Variants in SLC12A9 observed in about 807,000 individuals in gnomAD.
SLC12A9 encodes solute carrier family 12 member 9.
SLC12A9 carries 55 observed loss-of-function variants against 66.0 expected under a neutral mutation model. That is an observed-to-expected ratio of 0.83 (90% CI 0.67 to 1.04). SLC12A9 has a LOEUF of 1.04. Among genes scored for constraint, SLC12A9 ranks in the 50% least tolerant of loss-of-function variants. The probability of loss-of-function intolerance (pLI) is 0.00; values close to 1 mark genes in which losing one functional copy is unlikely to be tolerated. For synonymous variants in SLC12A9, 577 were observed against 569.0 expected, an observed-to-expected ratio of 1.01 and a Z score of -0.20; for missense variants, 1,061 against 1,241.9, an observed-to-expected ratio of 0.85 and a Z score of 2.19.
At chr7:100,842,936 G>T (rs1286259618) in intron 1 of SLC12A9, among the ~76,000 whole-genome samples, 1 of 152,252 alleles carries the variant, frequency 6.6e-6, no homozygotes, top group Non-Finnish European at 1.5e-5. Context: ...GCCCCTGAGG[G>T]CCATCCAGCT....
intron 5 of SLC12A9, chr7:100,857,926 C>G: frequency 6.6e-6 from 1 of 151,560 alleles, no homozygotes; most frequent in African/African-American, 2.4e-5. Flanking sequence ...CTCCAAAAAA[C>G]AAACAAACAA....
In SLC12A9 at chr7:100,860,152, G is replaced by C; in HGVS notation, c.1138G>C (p.Val380Leu). ...HALARDDLFG[V>L]ILAPAKVVSR... ...TGCTGTGGATTCTGTTTTTCTAGGC[G>C]TGATCTTGGCACCGGCCAAGGTTGT... Residue 380 changes from valine to leucine, a missense_variant and splice_region_variant, in exon 9 of 14, where the codon GTG becomes CTG. Val to Leu is a conservative substitution (Grantham distance 32, BLOSUM62 1). Transcript: ENST00000354161. 2 of 1,614,188 alleles carry C rather than the reference G, an allele frequency of 1.2e-6. No individual in the cohort carries two copies. The highest frequency in any genetic ancestry group is 4.5e-5 in the East Asian group (2 of 44,880).
In SLC12A9 at chr7:100,865,863, C is replaced by T. The variant is rs766764700; in HGVS notation, c.2003C>T (p.Pro668Leu). ...CCAGCTCTGAGCACCCTGTTCCCTC[C>T]TCCCCGGGCTCCTGGGAGCCCCCGG... ...SSPALSTLFP[P>L]PRAPGSPRAL... The change falls in exon 14 of 14, where the codon CCT becomes CTT. Residue 668 changes from proline (P) to leucine (L), a missense_variant. Physicochemically the swap from Pro to Leu is moderately conservative, Grantham distance 98. Transcript: ENST00000354161. 15 of 1,613,628 alleles carry T rather than the reference C, an allele frequency of 9.3e-6. No individual in the cohort carries two copies. Among genetic ancestry groups the T allele is most frequent in the Admixed American group, 6.7e-5 (4 of 60,006 alleles).
At chr7:100,829,641 G>A (rs2247445) in intron 1 of SLC12A9, among the ~76,000 whole-genome samples, 33,628 of 151,780 alleles carry the variant, frequency 0.22, 4,713 homozygotes, top group East Asian at 0.57. Context: ...CTCTTATTCA[G>A]CTTCTCCCTC....
Position 100,861,791 on chromosome 7 carries a change from C to T in SLC12A9, c.1591C>T (p.Arg531Trp), listed in dbSNP as rs748062911. ...DVRKDHVKFW[R>W]PQLLLLVGNP... Reference sequence around the variant, plus strand: ...CCGGAAGGATCACGTGAAGTTCTGGCGGCCCCAGCTGCTGCTCCTGGTGGG... The same window carrying T: ...CCGGAAGGATCACGTGAAGTTCTGGTGGCCCCAGCTGCTGCTCCTGGTGGG... The change falls in exon 12 of 14, where the codon CGG becomes TGG. Residue 531 changes from arginine (R) to tryptophan (W), a missense_variant. Transcript: ENST00000354161. The surrounding 1 kb of genome is among the most constrained non-coding windows in gnomAD (Gnocchi z 5.3). The T allele has an allele frequency of 9.9e-6, 16 of 1,613,980 alleles. No homozygotes were observed. Among genetic ancestry groups the T allele is most frequent in the Admixed American group, 3.3e-5 (2 of 60,004 alleles).
chr7:100,834,054 A>AC (rs1813595743), intron 1 of SLC12A9, among the ~76,000 whole-genome samples: 1 of 151,748 alleles, frequency 6.6e-6, no homozygotes, highest in African/African-American at 2.4e-5. Flanking sequence ...ACGGGGCCTC[A>AC]CCAGCATCCA....
chr7:100,826,947 C>T lies in SLC12A9; in HGVS notation n.128C>T, dbSNP rs761511005. On this transcript the variant is annotated non_coding_transcript_exon_variant, in exon 1 of 2. Coordinates refer to the SLC12A9 transcript ENST00000461016. ...GTTGGGGGGGAGGTCCCAGGAGTGA[C>T]GGGGTGCGCCCCCCCCCGCAAGGAA... 4 of 1,515,696 alleles carry T rather than the reference C, an allele frequency of 2.6e-6. No homozygotes were observed. The South Asian group carries it at 3.7e-5, about 14-fold the overall frequency. 93.9% of individuals were successfully genotyped at this position (1,515,696 alleles called of 1,614,324 possible). A position where few individuals can be genotyped will look rare whatever the true frequency, so the allele number is the denominator to read the frequency against.
At chr7:100,839,328 A>C (rs998743088) in intron 1 of SLC12A9, among the ~76,000 whole-genome samples, 4 of 152,110 alleles carry the variant, frequency 2.6e-5, no homozygotes, top group Non-Finnish European at 5.9e-5. Flanking sequence ...CGTCTCAAAA[A>C]AAAAAAAGAC....
chr7:100,865,508 T>C, intron 13 of SLC12A9: 1 of 1,533,082 alleles, frequency 6.5e-7, no homozygotes, highest in South Asian at 1.2e-5. Flanking sequence ...GATTAGTCAC[T>C]GAGATAATAA....
intron 12 of SLC12A9, among the ~76,000 whole-genome samples, 171 bp from the exon 13 acceptor site, chr7:100,862,510 G>A (rs145510564): frequency 5.2e-4 from 79 of 152,262 alleles, no homozygotes; most frequent in Non-Finnish European, 9.0e-4. Flanking sequence ...CTTCCCAAAG[G>A]GCAGGGATTA....
chr7:100,856,834 C>CCTTAGGTTA, intron 4 of SLC12A9, 34 bp from the exon 5 acceptor site: 1 of 1,532,308 alleles, frequency 6.5e-7, no homozygotes, highest in South Asian at 1.2e-5. Context: ...GCCTTAGGAT[C>CCTTAGGTTA]GGGCCTTCTA....
rs145203180 is a variant in SLC12A9, at chr7:100,845,170, C to G, written n.229-14715C>G. On this transcript the variant is annotated intron_variant and non_coding_transcript_variant, in intron 1 of 1. Coordinates refer to the SLC12A9 transcript ENST00000461016. The stretch of plus-strand genomic sequence containing the variant: ...GAAGACTGCATGGTGGACTTCAAAC[C>G]ACACAGAGAAAAATCCATTCACTAA... 3.2e-3 allele frequency among the ~76,000 whole-genome samples: 478 copies of G among 151,160 alleles called. 1 individual carries two copies. The highest frequency in any genetic ancestry group is 5.6e-3 in the Non-Finnish European group (380 of 67,838).
rs141354939 is a variant in SLC12A9 at position 100,856,977 on chromosome 7, C to G, written c.558C>G (p.Ala186=). ...TGGGTGGGGTCTGCACCCTGGGAGC[C>G]GGCCTCTATGCCCGGGCCTCATTCC... is the stretch of plus-strand genomic sequence containing the variant. The part of the protein sequence containing the change: ...GLVGGVCTLG[A]GLYARASFLT... The change falls in exon 5 of 14, where the codon GCC becomes GCG. Residue 186 remains alanine (A), a synonymous_variant. Transcript: ENST00000354161. The G allele has an allele frequency of 6.2e-7, 1 of 1,613,854 alleles. No homozygotes were observed. Among genetic ancestry groups the G allele is most frequent in the African/African-American group, 1.3e-5 (1 of 74,938 alleles).
At chr7:100,859,687 G>C (rs1814618493) in intron 7 of SLC12A9, 198 bp from the exon 8 acceptor site, 16 of 633,026 alleles carry the variant, frequency 2.5e-5, no homozygotes, top group Non-Finnish European at 4.2e-5. Context: ...CTTTAGCCTG[G>C]GGGTTGGAGT....
intron 1 of SLC12A9, among the ~76,000 whole-genome samples, chr7:100,847,026 C>T (rs1010798421): frequency 3.9e-5 from 6 of 152,118 alleles, no homozygotes; most frequent in South Asian, 2.1e-4. Context: ...CTCTCTTGCG[C>T]GCCCCCTGAG....
Position 100,866,282 on chromosome 7 carries a change from G to C in SLC12A9, c.2422G>C (p.Gly808Arg), listed in dbSNP as rs749274958. 6.5e-7 allele frequency: 1 copy of C among 1,535,578 alleles called. No homozygotes were observed. The highest frequency in any genetic ancestry group is 2.4e-4 in the Middle Eastern group (1 of 4,248). ...VQEVVWGEGA[G>R]AGEPEAEEEG... ...GGAGGTGGTGTGGGGCGAGGGGGCC[G>C]GGGCTGGGGAACCCGAGGCGGAGGA... Residue 808 changes from glycine (G) to arginine (R), a missense_variant, in exon 14 of 14, where the codon GGG (glycine) becomes CGG (arginine). Transcript: ENST00000354161. The surrounding 1 kb of genome is among the most constrained non-coding windows in gnomAD (Gnocchi z 7.3).
chr7:100,843,604 GC>G (rs770981656), intron 1 of SLC12A9, among the ~76,000 whole-genome samples: 2 of 152,284 alleles, frequency 1.3e-5, no homozygotes, highest in Non-Finnish European at 2.9e-5. Context: ...CCAAAGGCTG[GC>G]CCCCAGGTTT....
chr7:100,862,003 A>G (rs867594158), intron 12 of SLC12A9, 92 bp downstream of exon 12: 2 of 1,348,602 alleles, frequency 1.5e-6, no homozygotes, highest in Non-Finnish European at 9.9e-7. Context: ...TCTGTTGCCC[A>G]GGCTGGAGTG....
At chr7:100,827,080 C>G in intron 1 of SLC12A9, 1 of 1,540,382 alleles carries the variant, frequency 6.5e-7, no homozygotes, top group Non-Finnish European at 8.8e-7. Flanking sequence ...GGGGCCCTCG[C>G]CCCCCCAGGT....
Sources: gnomAD v4.1 joint callset for allele counts (sites outside exome capture counted in the v4.1 genomes callset) on GRCh38, gnomAD v4.1.1 for gene constraint, Gnocchi (gnomAD v3.1) non-coding constraint, MANE v1.5 for transcripts, NCBI Gene and HGNC (gene_info 2026-07-23, HGNC 2026-07-21) for gene names.